TBC1D19: variants seen among roughly 807,000 people sequenced by gnomAD.
The protein encoded by TBC1D19 is TBC1 domain family, member 19.
TBC1D19 carries 60 observed loss-of-function variants against 89.0 expected under a neutral mutation model. The observed-to-expected ratio is 0.67, with a 90% CI of 0.55 to 0.84. TBC1D19 has a LOEUF of 0.84. Ranked by LOEUF, TBC1D19 falls within the 40% of genes least tolerant of loss-of-function variation. The pLI is 0.00. For missense variants in TBC1D19, 500 were observed against 610.8 expected, an observed-to-expected ratio of 0.82 and a Z score of 1.91; for synonymous variants, 189 against 199.7, an observed-to-expected ratio of 0.95 and a Z score of 0.45.
At chr4:26,715,472 C>T (rs1018257149) in intron 13 of TBC1D19, among the ~76,000 whole-genome samples, 15 of 151,952 alleles carry the variant, frequency 9.9e-5, no homozygotes, top group African/African-American at 3.6e-4. Flanking sequence ...ACGAGGATAC[C>T]AAAGGATTAT....
intron 15 of TBC1D19, among the ~76,000 whole-genome samples, chr4:26,724,883 A>G (rs1029838975): frequency 3.9e-5 from 6 of 152,190 alleles, no homozygotes; most frequent in African/African-American, 1.4e-4. Context: ...TTCAATCTGT[A>G]TACCACCACT....
chr4:26,749,852 G>A (rs551663265), intron 19 of TBC1D19, among the ~76,000 whole-genome samples: 2 of 152,222 alleles, frequency 1.3e-5, no homozygotes, highest in South Asian at 4.2e-4. Context: ...ACTGATTAAT[G>A]TTTTTAGCAA....
intron 2 of TBC1D19, among the ~76,000 whole-genome samples, chr4:26,613,578 G>T (rs1285930174): frequency 6.6e-5 from 10 of 152,090 alleles, no homozygotes; most frequent in Non-Finnish European, 1.5e-5. Context: ...GAAAACTATG[G>T]CCAAATAGGT....
chr4:26,693,983 T>C (rs10015108), intron 13 of TBC1D19, among the ~76,000 whole-genome samples: 148,826 of 152,178 alleles, frequency 0.98, 72,853 homozygotes, highest in East Asian at 1. Flanking sequence ...ATGCAGAAGA[T>C]GGGTGATTTC....
In TBC1D19 at chr4:26,643,012, G is replaced by C. The variant is rs543896638; in HGVS notation, c.480+2825G>C. On this transcript the variant is annotated intron_variant, in intron 7 of 20. Transcript: ENST00000264866. The stretch of plus-strand genomic sequence containing the variant: ...AACACCCCACTGTCAATATTAGACA[G>C]ATCAATGAGACAGAAGGTTAACAAG... Among the ~76,000 whole-genome samples, 24 of 152,282 alleles carry C rather than the reference G, an allele frequency of 1.6e-4. No homozygotes were observed. The South Asian group carries it at 4.8e-3, about 30-fold the overall frequency.
the TBC1D19 span, among the ~76,000 whole-genome samples, chr4:26,831,219 T>C: frequency 6.6e-6 from 1 of 152,230 alleles, no homozygotes. Context: ...ACACTGCAGA[T>C]GCTATGTCTC....
At chr4:26,640,271 G>A in intron 7 of TBC1D19, 84 bp downstream of exon 7, 1 of 1,147,090 alleles carries the variant, frequency 8.7e-7, no homozygotes. Flanking sequence ...CAAGGCAGAG[G>A]GATTAGCATG....
intron 1 of TBC1D19, among the ~76,000 whole-genome samples, chr4:26,578,030 T>A (rs1172164923): frequency 6.6e-6 from 1 of 152,212 alleles, no homozygotes; most frequent in Non-Finnish European, 1.5e-5. Flanking sequence ...TAATTCAGTG[T>A]CCTGTTTAAA....
the TBC1D19 span, among the ~76,000 whole-genome samples, chr4:26,762,410 A>C: frequency 2.0e-5 from 3 of 152,226 alleles, no homozygotes; most frequent in South Asian, 6.2e-4. Context: ...TACTTACTCA[A>C]CAAACATTGA....
At chr4:26,628,890 C>T (rs960669067) in intron 4 of TBC1D19, among the ~76,000 whole-genome samples, 3 of 151,754 alleles carry the variant, frequency 2.0e-5, no homozygotes, top group Non-Finnish European at 2.9e-5. Context: ...ACATTCCATG[C>T]TCATGGGTAG....
At chr4:26,582,596 G>A (rs562110541), upstream of TBC1D19, among the ~76,000 whole-genome samples, 4 of 152,220 alleles carry the variant, frequency 2.6e-5, no homozygotes, top group East Asian at 7.7e-4. Flanking sequence ...TTCATGGATG[G>A]GTGGACAGTT....
the TBC1D19 span, among the ~76,000 whole-genome samples, chr4:26,781,260 G>T: frequency 6.6e-6 from 1 of 152,156 alleles, no homozygotes; most frequent in Non-Finnish European, 1.5e-5. Flanking sequence ...TATTTGTTGA[G>T]CCCCTTTAAA....
the TBC1D19 span, among the ~76,000 whole-genome samples, chr4:26,788,322 G>A: frequency 1.3e-5 from 2 of 152,212 alleles, no homozygotes; most frequent in Non-Finnish European, 2.9e-5. Flanking sequence ...GAAAGCAAGA[G>A]CATTAGAGCT....
rs562023004 is a variant in TBC1D19 at position 26,681,506 on chromosome 4, G to A, written c.817-2169G>A. On this transcript the variant is annotated intron_variant, in intron 11 of 20. Transcript: ENST00000264866. The stretch of plus-strand genomic sequence containing the variant: ...GCAGAGGTTGCAGTGCACCGAGATC[G>A]TGCCACTGCACTCCAGCCTGGGCGA... 2.9e-4 allele frequency among the ~76,000 whole-genome samples: 44 copies of A among 152,058 alleles called. 1 individual carries two copies. Among genetic ancestry groups the A allele is most frequent in the African/African-American group, 6.8e-4 (28 of 41,460 alleles).
chr4:26,645,983 C>T (rs1278034020), intron 7 of TBC1D19, among the ~76,000 whole-genome samples: 3 of 151,192 alleles, frequency 2.0e-5, no homozygotes, highest in South Asian at 2.1e-4. Flanking sequence ...ATTAGCCGGG[C>T]GTAGTGGCGG....
chr4:26,682,986 C>G (rs1354588357), intron 11 of TBC1D19, among the ~76,000 whole-genome samples: 1 of 151,994 alleles, frequency 6.6e-6, no homozygotes, highest in African/African-American at 2.4e-5. Context: ...CAGTCTGTTG[C>G]CCAGGCTGGA....
the TBC1D19 span, among the ~76,000 whole-genome samples, chr4:26,793,990 C>G: frequency 6.6e-6 from 1 of 152,112 alleles, no homozygotes; most frequent in African/African-American, 2.4e-5. Context: ...ATACAGAACC[C>G]TGATTAGCTA....
In TBC1D19 at chr4:26,677,419, C is replaced by T. The variant is rs187675106; in HGVS notation, c.816+3531C>T. Among the ~76,000 whole-genome samples the T allele has an allele frequency of 6.2e-4, 94 of 151,638 alleles. 1 individual carries two copies. In the East Asian group the frequency reaches 0.016, roughly 26 times the overall value. ...CTGCAAGCTCCGCCTCCCAGGTTCA[C>T]GCCATTCTCCTGCCTCAGCCTCCCG... is the stretch of plus-strand genomic sequence containing the variant. On this transcript the variant is annotated intron_variant, in intron 11 of 20. Coordinates refer to ENST00000264866, the MANE Select transcript of TBC1D19 (RefSeq NM_018317.4).
the TBC1D19 span, among the ~76,000 whole-genome samples, chr4:26,807,177 C>T: frequency 1.3e-5 from 2 of 152,116 alleles, no homozygotes; most frequent in African/African-American, 4.8e-5. Flanking sequence ...TTCATTCTCT[C>T]AGGAGACGCA....
Sources: gnomAD v4.1 joint callset for allele counts (sites outside exome capture counted in the v4.1 genomes callset) on GRCh38, gnomAD v4.1.1 for gene constraint, MANE v1.5 for transcripts, NCBI Gene and HGNC (gene_info 2026-07-23, HGNC 2026-07-21) for gene names.